ITGB5: variants seen among roughly 807,000 people sequenced by gnomAD.
ITGB5 encodes the protein integrin beta-5.
In ITGB5, 38 loss-of-function variants were observed where a neutral mutation model predicts 84.8. That is an observed-to-expected ratio of 0.45 (90% confidence interval 0.35 to 0.59). ITGB5 has a LOEUF of 0.59. ITGB5 is among the 20% of genes least tolerant of loss of function. The pLI, the probability that ITGB5 is intolerant of heterozygous loss-of-function variation, is 0.01. For synonymous variants in ITGB5, 393 were observed against 414.4 expected, an observed-to-expected ratio of 0.95 and a Z score of 0.63; for missense variants, 905 against 1,034.5, an observed-to-expected ratio of 0.87 and a Z score of 1.72.
At chr3:124,807,426 A>C (rs1340602265) in intron 9 of ITGB5, among the ~76,000 whole-genome samples, 1 of 152,074 alleles carries the variant, frequency 6.6e-6, no homozygotes, top group African/African-American at 2.4e-5. Context: ...CAAATAAATA[A>C]ATAAATAAAT....
At chr3:124,808,316 A>C (rs1311255350) in intron 9 of ITGB5, among the ~76,000 whole-genome samples, 3 of 152,212 alleles carry the variant, frequency 2.0e-5, no homozygotes, top group Non-Finnish European at 2.9e-5. Context: ...TCAACAAAGC[A>C]AGTCAGGAAT....
At chr3:124,878,161 T>C (rs532246094) in intron 1 of ITGB5, among the ~76,000 whole-genome samples, 4 of 152,286 alleles carry the variant, frequency 2.6e-5, no homozygotes, top group African/African-American at 9.6e-5. Flanking sequence ...CAAAGCCACA[T>C]ACATTTGCAA....
chr3:124,852,746 G>A (rs1287243942), intron 3 of ITGB5, among the ~76,000 whole-genome samples: 1 of 152,074 alleles, frequency 6.6e-6, no homozygotes, highest in Non-Finnish European at 1.5e-5. Context: ...AGAGTACAGT[G>A]GCACAACCAC....
chr3:124,769,969 T>A (rs953352927), intron 11 of ITGB5: 2 of 152,256 alleles, frequency 1.3e-5, no homozygotes, highest in African/African-American at 4.8e-5. Flanking sequence ...GTGAAAATGC[T>A]TAACTACAAC....
rs1459073470 is a variant in ITGB5, at chr3:124,858,823, C to T, written c.361+419G>A. Among the ~76,000 whole-genome samples the T allele has an allele frequency of 2.6e-5, 4 of 152,022 alleles. No individual in the cohort carries two copies. The East Asian group carries it at 7.7e-4, about 29-fold the overall frequency. On this transcript the variant is annotated intron_variant, in intron 3 of 14. Coordinates refer to ENST00000296181, the MANE Select transcript of ITGB5 (RefSeq NM_002213.5). ...GAAAAATAAAAAATAAAGTAGAATG[C>T]TGGTTACCAGGAACCAAGGGAAAGA...
chr3:124,773,629 G>A, intron 11 of ITGB5, 61 bp downstream of exon 11: 1 of 1,530,062 alleles, frequency 6.5e-7, no homozygotes, highest in Non-Finnish European at 9.0e-7. Context: ...AGGGCTGCCT[G>A]GCTGGACCAC....
chr3:124,900,799 A>G (rs1442535766), intron 1 of ITGB5, among the ~76,000 whole-genome samples: 1 of 152,176 alleles, frequency 6.6e-6, no homozygotes, highest in Non-Finnish European at 1.5e-5. Flanking sequence ...TTCAATGAAA[A>G]TGGATTTATC....
Position 124,829,417 on chromosome 3 carries a change from G to A in ITGB5, c.781-7943C>T, listed in dbSNP as rs190159697. Among the ~76,000 whole-genome samples, 23 of 152,326 alleles carry A rather than the reference G, an allele frequency of 1.5e-4. No individual in the cohort carries two copies. In the East Asian group the frequency reaches 1.9e-3, roughly 13 times the overall value. ...AAGCCAGGCATCCGGTCAGGGCTGC[G>A]AGTCCTGTCACTTTTCTTTGTTCAC... On this transcript the variant is annotated intron_variant, in intron 5 of 14. Transcript: ENST00000296181.
chr3:124,878,328 C>T (rs909262700), intron 1 of ITGB5, among the ~76,000 whole-genome samples: 3 of 152,134 alleles, frequency 2.0e-5, no homozygotes, highest in African/African-American at 7.2e-5. Flanking sequence ...CTTAATTGGA[C>T]ACAATACCAA....
At chr3:124,820,914 G>A (rs184765990) in intron 6 of ITGB5, among the ~76,000 whole-genome samples, 8 of 152,206 alleles carry the variant, frequency 5.3e-5, no homozygotes, top group African/African-American at 7.2e-5. Flanking sequence ...GGGAGCCCAC[G>A]TCTAGAAGTC....
chr3:124,879,863 T>G (rs190233454), intron 1 of ITGB5, among the ~76,000 whole-genome samples: 1 of 152,224 alleles, frequency 6.6e-6, no homozygotes, highest in Non-Finnish European at 1.5e-5. Context: ...TAATAGGAAC[T>G]ATATAGGCAC....
chr3:124,830,840 C>T (rs1242431036), intron 5 of ITGB5, among the ~76,000 whole-genome samples: 1 of 152,108 alleles, frequency 6.6e-6, no homozygotes, highest in Non-Finnish European at 1.5e-5. Flanking sequence ...AAAAGTTAGC[C>T]AGGCGTGGTG....
chr3:124,776,882 G>A (rs1386831752), intron 10 of ITGB5, among the ~76,000 whole-genome samples: 1 of 150,600 alleles, frequency 6.6e-6, no homozygotes, highest in Non-Finnish European at 1.5e-5. Flanking sequence ...TTTGCTGAAG[G>A]GCCTGGGCTT....
intron 3 of ITGB5, among the ~76,000 whole-genome samples, chr3:124,857,695 T>C (rs1200058669): frequency 6.6e-6 from 1 of 152,208 alleles, no homozygotes; most frequent in Non-Finnish European, 1.5e-5. Context: ...CCTTTGACAT[T>C]GCAAGGCTTC....
intron 12 of ITGB5, 132 bp downstream of exon 12, chr3:124,768,881 C>A (rs1233384799): frequency 1.6e-6 from 1 of 627,470 alleles, no homozygotes; most frequent in Admixed American, 2.8e-5. Flanking sequence ...GGTTCCAGCA[C>A]CGGGTCCTCA....
intron 5 of ITGB5, among the ~76,000 whole-genome samples, chr3:124,833,348 A>G (rs115470149): frequency 1.2e-4 from 19 of 152,368 alleles, no homozygotes; most frequent in African/African-American, 4.6e-4. Flanking sequence ...CAATAGGCAA[A>G]TAACAAATAT....
At chr3:124,892,082 A>G (rs1935013300), upstream of ITGB5, among the ~76,000 whole-genome samples, 1 of 152,192 alleles carries the variant, frequency 6.6e-6, no homozygotes, top group South Asian at 2.1e-4. Flanking sequence ...ATGATTCCAC[A>G]TACTATGTAT....
chr3:124,814,222 A>C (rs370989830), intron 8 of ITGB5, among the ~76,000 whole-genome samples: 2 of 152,180 alleles, frequency 1.3e-5, no homozygotes, highest in East Asian at 1.9e-4. Flanking sequence ...GACCAACTGA[A>C]CTTGCTTCAA....
intron 8 of ITGB5, among the ~76,000 whole-genome samples, chr3:124,815,485 CCCAA>C (rs1264703627): frequency 6.6e-6 from 1 of 152,228 alleles, no homozygotes; most frequent in Non-Finnish European, 1.5e-5. Flanking sequence ...GCCATTTCTT[CCCAA>C]AGGCCCTGAC....
Sources: allele counts gnomAD v4.1 joint callset (sites outside exome capture counted in the v4.1 genomes callset), GRCh38; gene constraint gnomAD v4.1.1; transcripts MANE v1.5; gene names NCBI Gene and HGNC (gene_info 2026-07-23, HGNC 2026-07-21).